DCN: variants seen among roughly 807,000 people sequenced by gnomAD.
DCN encodes the protein decorin, also known as bone proteoglycan II.
Under a neutral mutation model 36.5 loss-of-function variants are expected in DCN, and 17 were observed. The ratio of observed to expected loss-of-function variants is 0.47; its 90% confidence interval spans 0.32 to 0.70. The LOEUF (loss-of-function observed/expected upper bound fraction) is 0.70, where lower values mean the gene tolerates loss of function less well. Among genes scored for constraint, DCN ranks in the 30% least tolerant of loss-of-function variants. DCN has a pLI of 0.04. For synonymous variants in DCN, 163 were observed against 161.4 expected (o/e 1.01, Z -0.07); for missense variants, 389 against 430.1 (o/e 0.90, Z 0.84).
In DCN at chr12:91,155,585, T is replaced by C. The variant is rs145472517; in HGVS notation, c.652+1490A>G. On this transcript the variant is annotated intron_variant, in intron 5 of 7. Transcript: ENST00000052754. ...GCTAAATGTAAGTCATCTGGCTGCA[T>C]GAAATAAATTTCAGCAAGAATTTTA... 9.9e-5 allele frequency among the ~76,000 whole-genome samples: 15 copies of C among 152,192 alleles called. No individual in the cohort carries two copies. The East Asian group carries it at 2.7e-3, about 27-fold the overall frequency.
rs966778492 is a variant in DCN, at chr12:91,142,410, T to A, written c.*3648A>T. ...TTCTTCCTTCGTATAAAGATAAGATTATGATATCCTGCAGCTGCCTCTGCA... is the reference window on the plus strand; with the variant it reads ...TTCTTCCTTCGTATAAAGATAAGATAATGATATCCTGCAGCTGCCTCTGCA... On this transcript the variant is annotated 3_prime_UTR_variant, in exon 8 of 8. Coordinates refer to ENST00000052754, the MANE Select transcript of DCN (RefSeq NM_001920.5). The A allele has an allele frequency of 1.3e-5, 2 of 152,198 alleles. No homozygotes were observed. Among genetic ancestry groups the A allele is most frequent in the African/African-American group, 4.8e-5 (2 of 41,458 alleles). 9.4% of individuals were successfully genotyped at this position (152,198 alleles called of 1,614,324 possible).
At chr12:91,146,373 T>A in intron 7 of DCN, 121 bp from the exon 8 acceptor site, 1 of 622,588 alleles carries the variant, frequency 1.6e-6, no homozygotes, top group Non-Finnish European at 2.7e-6. Flanking sequence ...TTTTTTTTTT[T>A]TGAGATGGAA....
Position 91,164,591 on chromosome 12 carries a change from A to C in DCN, c.324+14T>G. 6.9e-7 allele frequency: 1 copy of C among 1,453,892 alleles called. No individual in the cohort carries two copies. The highest frequency in any genetic ancestry group is 9.7e-7 in the Non-Finnish European group (1 of 1,034,496). The allele number at this position is 1,453,892 out of a possible 1,614,324, so 90.1% of individuals were successfully genotyped here. A position where few individuals can be genotyped will look rare whatever the true frequency, so the allele number is the denominator to read the frequency against. ...GTCTTATCTTATTGTGAGTTAAAAA[A>C]AAATAGTTCTTACGTGAAGGTTCTT... On this transcript the variant is annotated intron_variant, in intron 3 of 7. Transcript: ENST00000052754.
chr12:91,178,160 GAGAA>G (rs1412525753), intron 2 of DCN, among the ~76,000 whole-genome samples, 178 bp downstream of exon 2: 7 of 152,164 alleles, frequency 4.6e-5, no homozygotes, highest in African/African-American at 1.7e-4. Context: ...GAGAGAGAGA[GAGAA>G]AGAGAGAACA....
At chr12:91,165,831 C>T (rs1882532241) in intron 2 of DCN, among the ~76,000 whole-genome samples, 1 of 152,028 alleles carries the variant, frequency 6.6e-6, no homozygotes, top group South Asian at 2.1e-4. Flanking sequence ...TTATTGAATA[C>T]CTCTTGGGCA....
intron 2 of DCN, chr12:91,172,806 A>G (rs1232179284): frequency 4.3e-6 from 3 of 694,466 alleles, no homozygotes; most frequent in Non-Finnish European, 7.8e-6. Flanking sequence ...AAGAGTCTAC[A>G]AAGTATAAGG....
rs1880984619 is a variant in DCN at position 91,146,016 on chromosome 12, C to T, written c.*42G>A. ...ATTTATTTTTTAGCAATGACATTAA[C>T]AAGATTTTGCCAGGTTATAAAAATG... On this transcript the variant is annotated 3_prime_UTR_variant, in exon 8 of 8. Transcript: ENST00000052754. 6.7e-7 allele frequency: 1 copy of T among 1,490,070 alleles called. No individual in the cohort carries two copies. The highest frequency in any genetic ancestry group is 9.4e-7 in the Non-Finnish European group (1 of 1,067,044). The allele number at this position is 1,490,070 out of a possible 1,614,324, so 92.3% of individuals were successfully genotyped here. A position where few individuals can be genotyped will look rare whatever the true frequency, so the allele number is the denominator to read the frequency against.
chr12:91,167,329 C>T (rs1882633383), intron 2 of DCN, among the ~76,000 whole-genome samples: 2 of 151,960 alleles, frequency 1.3e-5, no homozygotes. Flanking sequence ...TAAATATCAG[C>T]TAATCTATGG....
intron 5 of DCN, among the ~76,000 whole-genome samples, 189 bp downstream of exon 5, chr12:91,156,886 T>G (rs939340520): frequency 6.6e-6 from 1 of 152,084 alleles, no homozygotes; most frequent in African/African-American, 2.4e-5. Context: ...TCACTGGATA[T>G]AACACTAGCA....
rs778965623 is a variant in DCN, at chr12:91,157,114, TG to T, written c.612del (p.Tyr204Ter). On this transcript the variant is annotated frameshift_variant, in exon 5 of 8. Coordinates refer to ENST00000052754, the MANE Select transcript of DCN (RefSeq NM_001920.5). LOFTEE classifies it high-confidence loss of function. ...GTGATATTGGTATCAGCAATGCGGA[TG>T]TAGGAGAGCTTCTTCATTCCCTGGA... Reference protein sequence around the residue: ...GAFQGMKKLSYIRIADTNITS... With the variant: ...GAFQGMKKLSXIRIADTNITS... 1 of 1,613,250 alleles carries T rather than the reference TG, an allele frequency of 6.2e-7. No individual in the cohort carries two copies. Among genetic ancestry groups the T allele is most frequent in the Non-Finnish European group, 8.5e-7 (1 of 1,179,258 alleles).
In DCN at chr12:91,141,287, G is replaced by T. The variant is rs188605307; in HGVS notation, c.*4771C>A. The T allele has an allele frequency of 1.3e-5, 2 of 152,254 alleles. No homozygotes were observed. The highest frequency in any genetic ancestry group is 3.9e-4 in the East Asian group (2 of 5,172). 9.4% of individuals were successfully genotyped at this position (152,254 alleles called of 1,614,324 possible). A position where few individuals can be genotyped will look rare whatever the true frequency, so the allele number is the denominator to read the frequency against. ...TATCTCTTCTTGCTCACTTTACTCT[G>T]CTCACGTTTGTCCTCTCTGCTCTTG... On this transcript the variant is annotated 3_prime_UTR_variant, in exon 8 of 8. Coordinates refer to ENST00000052754, the MANE Select transcript of DCN (RefSeq NM_001920.5).
chr12:91,156,752 T>A (rs1565777329), intron 5 of DCN, among the ~76,000 whole-genome samples: 1 of 152,162 alleles, frequency 6.6e-6, no homozygotes, highest in Non-Finnish European at 1.5e-5. Context: ...AATGTACTTT[T>A]TCTTTGTGAT....
chr12:91,168,396 A>G (rs573521075), intron 2 of DCN, among the ~76,000 whole-genome samples: 32 of 152,282 alleles, frequency 2.1e-4, no homozygotes, highest in Middle Eastern at 3.4e-3. Context: ...CTTACAGGCC[A>G]TAGATGTATA....
rs567541165 is a variant in DCN, at chr12:91,151,511, T to C, written c.885+143A>G. On this transcript the variant is annotated intron_variant, in intron 7 of 7. Coordinates refer to ENST00000052754, the MANE Select transcript of DCN (RefSeq NM_001920.5). ...GTGCTTCATGATTTAATTTTTTTTA[T>C]GGTATTTTGTCATAGAAATTCTAAC... 1,100 of 834,676 alleles carry C rather than the reference T, an allele frequency of 1.3e-3. 1 individual carries two copies. The highest frequency in any genetic ancestry group is 1.8e-3 in the Non-Finnish European group (916 of 515,634). 51.7% of individuals were successfully genotyped at this position (834,676 alleles called of 1,614,324 possible). A position where few individuals can be genotyped will look rare whatever the true frequency, so the allele number is the denominator to read the frequency against.
chr12:91,173,609 A>T (rs1883113216), intron 2 of DCN, among the ~76,000 whole-genome samples: 1 of 152,172 alleles, frequency 6.6e-6, no homozygotes, highest in South Asian at 2.1e-4. Flanking sequence ...CATGTTTTGG[A>T]AACACCCTTT....
chr12:91,173,251 C>G (rs1379326247), intron 2 of DCN, among the ~76,000 whole-genome samples: 1 of 152,074 alleles, frequency 6.6e-6, no homozygotes, highest in Non-Finnish European at 1.5e-5. Flanking sequence ...CCCACCATAT[C>G]CCCTGGAGCT....
intron 2 of DCN, chr12:91,176,336 T>C (rs1883284255): frequency 6.6e-6 from 1 of 152,110 alleles, no homozygotes; most frequent in African/African-American, 2.4e-5. Flanking sequence ...TCAGTAAACC[T>C]AGCTATAATA....
At chr12:91,165,512 C>T (rs550699548) in intron 2 of DCN, among the ~76,000 whole-genome samples, 1 of 152,124 alleles carries the variant, frequency 6.6e-6, no homozygotes, top group Admixed American at 6.5e-5. Flanking sequence ...AGTCATTCAG[C>T]TAGTCATATA....
intron 2 of DCN, 82 bp downstream of exon 2, chr12:91,178,260 C>T (rs1436431384): frequency 3.2e-6 from 4 of 1,256,580 alleles, no homozygotes; most frequent in African/African-American, 1.5e-5. Flanking sequence ...GAGATTAAAA[C>T]TGAAAATGCT....
Sources: gnomAD v4.1 joint callset for allele counts (sites outside exome capture counted in the v4.1 genomes callset) on GRCh38, gnomAD v4.1.1 for gene constraint, MANE v1.5 for transcripts, NCBI Gene and HGNC (gene_info 2026-07-23, HGNC 2026-07-21) for gene names.